Variants in PTCD2 observed in about 807,000 individuals in gnomAD.
PTCD2 encodes pentatricopeptide repeat-containing protein 2, mitochondrial.
Under a neutral mutation model 42.6 loss-of-function variants are expected in PTCD2, and 31 were observed. That is an observed-to-expected ratio of 0.73 (90% CI 0.55 to 0.98). The LOEUF (loss-of-function observed/expected upper bound fraction) is 0.98, where lower values mean the gene tolerates loss of function less well. Ranked by LOEUF, PTCD2 falls within the 50% of genes least tolerant of loss-of-function variation. The pLI is 0.00. For synonymous variants in PTCD2, 183 were observed against 170.9 expected (o/e 1.07, Z -0.55); for missense variants, 476 against 454.8 (o/e 1.05, Z -0.42).
At chr5:72,341,502 G>T (rs541150852) in intron 7 of PTCD2, among the ~76,000 whole-genome samples, 43 of 152,072 alleles carry the variant, frequency 2.8e-4, no homozygotes, top group African/African-American at 4.8e-5. Flanking sequence ...ACTTTGGAAG[G>T]GGGGAGGATC....
chr5:72,338,172 A>G (rs1162833056), intron 6 of PTCD2, among the ~76,000 whole-genome samples: 1 of 152,148 alleles, frequency 6.6e-6, no homozygotes, highest in Non-Finnish European at 1.5e-5. Flanking sequence ...ATTTATGTTC[A>G]AATTAGTGTT....
chr5:72,334,882 T>TA lies in PTCD2; in HGVS notation c.469-135dup, dbSNP rs1231111553. The stretch of plus-strand genomic sequence containing the variant: ...AAAAATAAAACCTGGGTATATAAAA[T>TA]ATATTAGAGAATTCAGAAGGCCAAA... On this transcript the variant is annotated intron_variant, in intron 4 of 9. Coordinates refer to ENST00000380639, the MANE Select transcript of PTCD2 (RefSeq NM_024754.5). 3.7e-5 allele frequency: 22 copies of TA among 598,916 alleles called. No homozygotes were observed. The African/African-American group carries it at 4.0e-4, about 11-fold the overall frequency. The allele number at this position is 598,916 out of a possible 1,614,324, so 37.1% of individuals were successfully genotyped here.
chr5:72,347,414 G>T (rs1204585573), intron 8 of PTCD2, among the ~76,000 whole-genome samples: 1 of 152,288 alleles, frequency 6.6e-6, no homozygotes, highest in South Asian at 2.1e-4. Context: ...GGCTGGGTGC[G>T]GTGGCTCATG....
intron 4 of PTCD2, among the ~76,000 whole-genome samples, chr5:72,332,092 G>A (rs1448194119): frequency 6.6e-6 from 1 of 152,130 alleles, no homozygotes; most frequent in Non-Finnish European, 1.5e-5. Flanking sequence ...CTTTTCATGA[G>A]GCTGTGTTTC....
Position 72,365,706 on chromosome 5 carries a change from G to C in PTCD2, c.*7279G>C, listed in dbSNP as rs1753188482. 1 of 152,182 alleles carries C rather than the reference G, an allele frequency of 6.6e-6. No homozygotes were observed. The highest frequency in any genetic ancestry group is 2.4e-5 in the African/African-American group (1 of 41,440). The allele number at this position is 152,182 out of a possible 1,614,324, so 9.4% of individuals were successfully genotyped here. A position where few individuals can be genotyped will look rare whatever the true frequency, so the allele number is the denominator to read the frequency against. ...ATGTTCCGGTTATAGCTGGTAGCAA[G>C]ATGGCTGCATGCATCATGAGGCTTT... On this transcript the variant is annotated 3_prime_UTR_variant, in exon 10 of 10. Transcript: ENST00000380639.
At chr5:72,357,988 C>T (rs905658278) in intron 9 of PTCD2, among the ~76,000 whole-genome samples, 2 of 152,020 alleles carry the variant, frequency 1.3e-5, no homozygotes, top group African/African-American at 4.8e-5. Flanking sequence ...TTTTTACAGA[C>T]AAAGTCTCAC....
intron 3 of PTCD2, among the ~76,000 whole-genome samples, chr5:72,327,608 G>A (rs1215719252): frequency 6.6e-6 from 1 of 151,878 alleles, no homozygotes; most frequent in Non-Finnish European, 1.5e-5. Context: ...AAGTAGCTGG[G>A]GTTACAGGTG....
intron 7 of PTCD2, among the ~76,000 whole-genome samples, chr5:72,339,306 A>G (rs1015691623): frequency 6.6e-6 from 1 of 152,240 alleles, no homozygotes; most frequent in Non-Finnish European, 1.5e-5. Context: ...TCTCTCTGGA[A>G]GAGCCTCTCC....
In PTCD2 at chr5:72,358,522, G is replaced by T; in HGVS notation, c.*95G>T. ...CAGGTATCGCACTTCAGCAGACAGT[G>T]TGCTGACACTTGGTCTTCTCCTGAA... is the stretch of plus-strand genomic sequence containing the variant. On this transcript the variant is annotated 3_prime_UTR_variant, in exon 10 of 10. Coordinates refer to ENST00000380639, the MANE Select transcript of PTCD2 (RefSeq NM_024754.5). 1 of 845,022 alleles carries T rather than the reference G, an allele frequency of 1.2e-6. No individual in the cohort carries two copies. 52.3% of individuals were successfully genotyped at this position (845,022 alleles called of 1,614,324 possible).
intron 7 of PTCD2, among the ~76,000 whole-genome samples, chr5:72,342,531 G>A (rs936487166): frequency 4.6e-5 from 7 of 152,190 alleles, no homozygotes; most frequent in Admixed American, 1.3e-4. Flanking sequence ...GAGATATAGA[G>A]CACTGTCTGC....
intron 9 of PTCD2, among the ~76,000 whole-genome samples, chr5:72,357,143 T>C (rs140848184): frequency 7.0e-4 from 106 of 152,302 alleles, no homozygotes; most frequent in African/African-American, 2.5e-3. Context: ...AACAACGTTC[T>C]AGACATACCC....
At chr5:72,338,425 T>C (rs1026378741) in intron 6 of PTCD2, among the ~76,000 whole-genome samples, 197 bp from the exon 7 acceptor site, 1 of 152,206 alleles carries the variant, frequency 6.6e-6, no homozygotes, top group Non-Finnish European at 1.5e-5. Context: ...ATAAAGTTAA[T>C]TTAGATTTGA....
Position 72,352,700 on chromosome 5 carries a change from T to C in PTCD2, c.888T>C (p.Ala296=). Residue 296 remains alanine (A), a synonymous_variant, in exon 9 of 10, where the codon GCT becomes GCC. Transcript: ENST00000380639. ...ACCTGATAAAGACTCTAAAAAATGCTGCAGAAGGAAATTTATCAAAATTTG... is the reference window on the plus strand; with the variant it reads ...ACCTGATAAAGACTCTAAAAAATGCCGCAGAAGGAAATTTATCAAAATTTG... ...LENLIKTLKN[A]AEGNLSKFVK... is the part of the protein sequence containing the mutation. The C allele has an allele frequency of 6.2e-7, 1 of 1,606,202 alleles. No individual in the cohort carries two copies. Among genetic ancestry groups the C allele is most frequent in the Non-Finnish European group, 8.5e-7 (1 of 1,173,058 alleles).
Position 72,363,525 on chromosome 5 carries a change from AG to A in PTCD2, c.*5103del, listed in dbSNP as rs1753137858. ...GTGTCCTCTGGTCTCAGTTGTGAGGAGGGGGAAGAGTGGGAAGTCTGGCCTT... is the reference window on the plus strand; with the variant it reads ...GTGTCCTCTGGTCTCAGTTGTGAGGAGGGGAAGAGTGGGAAGTCTGGCCTT... On this transcript the variant is annotated 3_prime_UTR_variant, in exon 10 of 10. Coordinates refer to ENST00000380639, the MANE Select transcript of PTCD2 (RefSeq NM_024754.5). 1 of 152,236 alleles carries A rather than the reference AG, an allele frequency of 6.6e-6. No individual in the cohort carries two copies. The highest frequency in any genetic ancestry group is 6.5e-5 in the Admixed American group (1 of 15,278). 9.4% of individuals were successfully genotyped at this position (152,236 alleles called of 1,614,324 possible).
intron 8 of PTCD2, among the ~76,000 whole-genome samples, chr5:72,351,741 C>T (rs1270029577): frequency 2.0e-5 from 3 of 152,022 alleles, no homozygotes; most frequent in Non-Finnish European, 4.4e-5. Flanking sequence ...GGGAAACTGC[C>T]CCCATGATCC....
chr5:72,336,730 A>T (rs1047733720), intron 6 of PTCD2, among the ~76,000 whole-genome samples: 8 of 148,080 alleles, frequency 5.4e-5, no homozygotes, highest in Non-Finnish European at 1.1e-4. Flanking sequence ...AAAAAAAAAA[A>T]GTTATTTTAT....
chr5:72,326,794 T>G, intron 3 of PTCD2, 53 bp downstream of exon 3: 6 of 1,580,466 alleles, frequency 3.8e-6, no homozygotes, highest in Non-Finnish European at 5.2e-6. Flanking sequence ...ACTCTGTTCC[T>G]TTCTATGAGC....
chr5:72,335,110 T>G lies in PTCD2; in HGVS notation c.547+14T>G. 7.1e-7 allele frequency: 1 copy of G among 1,407,984 alleles called. No homozygotes were observed. Among genetic ancestry groups the G allele is most frequent in the Non-Finnish European group, 1.0e-6 (1 of 996,922 alleles). 87.2% of individuals were successfully genotyped at this position (1,407,984 alleles called of 1,614,324 possible). On this transcript the variant is annotated intron_variant, in intron 5 of 9. Transcript: ENST00000380639. The stretch of plus-strand genomic sequence containing the variant: ...GCAAATATAAAAGTAAGTACTGCAA[T>G]TTCTATTTGCTGAAAAATTCTGCCA...
chr5:72,356,843 A>G lies in PTCD2; in HGVS notation c.943-1360A>G, dbSNP rs576102155. Among the ~76,000 whole-genome samples, 73 of 152,346 alleles carry G rather than the reference A, an allele frequency of 4.8e-4. 1 individual carries two copies. In the South Asian group the frequency reaches 7.7e-3, roughly 16 times the overall value. On this transcript the variant is annotated intron_variant, in intron 9 of 9. Coordinates refer to ENST00000380639, the MANE Select transcript of PTCD2 (RefSeq NM_024754.5). ...AGGCATGGTTGGGAGCCATTGTCTC[A>G]AAGGAAGATGTGCAGGTGCAAACAG...
Sources: allele counts gnomAD v4.1 joint callset (sites outside exome capture counted in the v4.1 genomes callset), GRCh38; gene constraint gnomAD v4.1.1; transcripts MANE v1.5; gene names NCBI Gene and HGNC (gene_info 2026-07-23, HGNC 2026-07-21).